The following GPC5 variants were observed in gnomAD, a reference collection of about 807,000 sequenced individuals.
GPC5 encodes glypican-5.
A neutral mutation model predicts 53.9 loss-of-function variants in GPC5; 47 were observed. The ratio of observed to expected loss-of-function variants is 0.87; its 90% CI spans 0.69 to 1.11. The LOEUF (loss-of-function observed/expected upper bound fraction) is 1.11, where lower values mean the gene tolerates loss of function less well. Ranked by LOEUF, GPC5 falls within the 50% of genes most tolerant of loss-of-function variation. GPC5 has a pLI of 0.00. For synonymous variants in GPC5, 286 were observed against 263.3 expected, an observed-to-expected ratio of 1.09 and a Z score of -0.84; for missense variants, 748 against 713.1, an observed-to-expected ratio of 1.05 and a Z score of -0.56.
intron 5 of GPC5, among the ~76,000 whole-genome samples, chr13:91,879,823 C>A (rs1417182412): frequency 6.6e-6 from 1 of 152,084 alleles, no homozygotes; most frequent in African/African-American, 2.4e-5. Flanking sequence ...GGTATTAAAT[C>A]TTTCTATGCC....
At chr13:91,635,255 A>T (rs1191841960) in intron 2 of GPC5, among the ~76,000 whole-genome samples, 3 of 152,108 alleles carry the variant, frequency 2.0e-5, no homozygotes, top group Non-Finnish European at 2.9e-5. Context: ...CTCATGTAAA[A>T]GTTTCCAGTA....
intron 6 of GPC5, among the ~76,000 whole-genome samples, chr13:92,045,409 A>C (rs1371687665): frequency 1.3e-5 from 2 of 152,210 alleles, no homozygotes; most frequent in African/African-American, 4.8e-5. Flanking sequence ...CCAAGGAAGA[A>C]GCTAAACAGT....
At chr13:92,434,830 G>A (rs895922887) in intron 7 of GPC5, among the ~76,000 whole-genome samples, 6 of 152,130 alleles carry the variant, frequency 3.9e-5, no homozygotes, top group South Asian at 2.1e-4. Context: ...GGAACCTATC[G>A]TATTATCTTT....
chr13:92,822,228 T>C (rs533837869), intron 7 of GPC5, among the ~76,000 whole-genome samples: 1 of 152,256 alleles, frequency 6.6e-6, no homozygotes, highest in South Asian at 2.1e-4. Context: ...ATTATAACTA[T>C]GCAAGTATTT....
At chr13:92,820,885 T>C (rs1877651694) in intron 7 of GPC5, among the ~76,000 whole-genome samples, 1 of 152,198 alleles carries the variant, frequency 6.6e-6, no homozygotes, top group African/African-American at 2.4e-5. Flanking sequence ...TCATCATCAC[T>C]ATTTTCCAAT....
intron 6 of GPC5, among the ~76,000 whole-genome samples, chr13:91,931,559 G>T (rs193178245): frequency 2.0e-5 from 3 of 152,072 alleles, no homozygotes; most frequent in Admixed American, 1.3e-4. Context: ...TTAGTAAACA[G>T]CAACAGCAAC....
chr13:92,129,724 G>A (rs1042722552), intron 6 of GPC5, among the ~76,000 whole-genome samples: 2 of 152,146 alleles, frequency 1.3e-5, no homozygotes. Context: ...TTGAATAAGT[G>A]TGGTAAAACA....
At chr13:91,573,784 A>T (rs1381777459) in intron 2 of GPC5, among the ~76,000 whole-genome samples, 2 of 152,200 alleles carry the variant, frequency 1.3e-5, no homozygotes, top group Non-Finnish European at 2.9e-5. Flanking sequence ...CTAAAGAGAT[A>T]AATGTGGAGA....
intron 7 of GPC5, among the ~76,000 whole-genome samples, chr13:92,215,303 T>C (rs539742128): frequency 1.3e-5 from 2 of 152,332 alleles, no homozygotes; most frequent in South Asian, 2.1e-4. Flanking sequence ...TTTTTCCATC[T>C]TTTTATACAG....
chr13:92,259,115 A>T (rs2042747211), intron 7 of GPC5, among the ~76,000 whole-genome samples: 1 of 152,190 alleles, frequency 6.6e-6, no homozygotes. Context: ...GATAGATAGA[A>T]CATATGACAT....
At chr13:91,669,968 C>T (rs2035206223) in intron 2 of GPC5, among the ~76,000 whole-genome samples, 1 of 152,148 alleles carries the variant, frequency 6.6e-6, no homozygotes. Flanking sequence ...GCTAAGATCT[C>T]AAAACATCGC....
chr13:92,805,982 C>G (rs1014863507), intron 7 of GPC5, among the ~76,000 whole-genome samples: 1 of 152,114 alleles, frequency 6.6e-6, no homozygotes, highest in East Asian at 2.0e-4. Flanking sequence ...AACTTTGAAG[C>G]CAGGCTAGCT....
chr13:92,307,269 C>A (rs963262111), intron 7 of GPC5, among the ~76,000 whole-genome samples: 3 of 152,094 alleles, frequency 2.0e-5, no homozygotes, highest in Non-Finnish European at 4.4e-5. Flanking sequence ...ACCAGCTTGA[C>A]CATGGTGAAA....
intron 6 of GPC5, among the ~76,000 whole-genome samples, chr13:91,952,078 CGACT>C (rs2040030609): frequency 6.6e-6 from 1 of 151,942 alleles, no homozygotes; most frequent in South Asian, 2.1e-4. Flanking sequence ...AAAACAGTAA[CGACT>C]TTTGAATGTC....
chr13:91,605,989 A>T, intron 2 of GPC5, among the ~76,000 whole-genome samples: 1 of 59,984 alleles, frequency 1.7e-5, no homozygotes. Flanking sequence ...TTCCAACACT[A>T]TGTTGAATAG....
chr13:92,755,318 G>A (rs1220111917), intron 7 of GPC5, among the ~76,000 whole-genome samples: 9 of 139,514 alleles, frequency 6.5e-5, no homozygotes, highest in South Asian at 5.4e-4. Flanking sequence ...TCTCTGGGAC[G>A]CATTCAAAGC....
chr13:92,770,583 C>T (rs887476996), intron 7 of GPC5, among the ~76,000 whole-genome samples: 21 of 152,092 alleles, frequency 1.4e-4, no homozygotes, highest in South Asian at 2.1e-4. Flanking sequence ...TTTACATTTG[C>T]CCCATGCATG....
At chr13:92,086,575 C>T (rs1381850417) in intron 6 of GPC5, among the ~76,000 whole-genome samples, 1 of 152,124 alleles carries the variant, frequency 6.6e-6, no homozygotes, top group African/African-American at 2.4e-5. Context: ...TTTCTCTTCA[C>T]ACATTATTTG....
intron 7 of GPC5, among the ~76,000 whole-genome samples, chr13:92,364,550 G>A (rs1003195017): frequency 4.6e-5 from 7 of 151,726 alleles, no homozygotes; most frequent in East Asian, 1.9e-4. Flanking sequence ...CTAACATGGT[G>A]AAACCCCGTC....
Sources: gnomAD v4.1 joint callset for allele counts (sites outside exome capture counted in the v4.1 genomes callset) on GRCh38, gnomAD v4.1.1 for gene constraint, MANE v1.5 for transcripts, NCBI Gene and HGNC (gene_info 2026-07-23, HGNC 2026-07-21) for gene names.